COQ9: variants seen among roughly 807,000 people sequenced by gnomAD.
COQ9 encodes the protein ubiquinone biosynthesis protein COQ9, mitochondrial.
COQ9 carries 35 observed loss-of-function variants against 42.4 expected under a neutral mutation model. That is an observed-to-expected ratio of 0.83 (90% confidence interval 0.63 to 1.10). The LOEUF is 1.10. Ranked by LOEUF, COQ9 falls within the 50% of genes least tolerant of loss-of-function variation. The probability of loss-of-function intolerance (pLI) is 0.00; values close to 1 mark genes in which losing one functional copy is unlikely to be tolerated. For missense variants in COQ9, 406 were observed against 414.6 expected (o/e 0.98, Z 0.18); for synonymous variants, 155 against 155.1 (o/e 1.00, Z 0.00).
At chr16:57,447,646 G>A in intron 1 of COQ9, 68 bp downstream of exon 1, 1 of 1,194,252 alleles carries the variant, frequency 8.4e-7, no homozygotes, top group Non-Finnish European at 1.1e-6. Flanking sequence ...CTTCAGCTGG[G>A]TTCGACGGTG....
rs531277812 is a variant in COQ9 at position 57,453,853 on chromosome 16, A to G, written c.378+917A>G. On this transcript the variant is annotated intron_variant, in intron 3 of 8. Coordinates refer to ENST00000262507, the MANE Select transcript of COQ9 (RefSeq NM_020312.4). ...GATCTTTCCAATTAAAACCCTTTAT[A>G]TGATTCATTCTTTAAATGTTTATTG... 2.6e-5 allele frequency: 4 copies of G among 152,384 alleles called. No homozygotes were observed. The South Asian group carries it at 8.3e-4, about 32-fold the overall frequency. The allele number at this position is 152,384 out of a possible 1,614,324, so 9.4% of individuals were successfully genotyped here. A position where few individuals can be genotyped will look rare whatever the true frequency, so the allele number is the denominator to read the frequency against.
chr16:57,450,381 C>G (rs1409373894), intron 1 of COQ9, among the ~76,000 whole-genome samples: 1 of 142,972 alleles, frequency 7.0e-6, no homozygotes, highest in Non-Finnish European at 1.5e-5. Flanking sequence ...TCTCACTGCA[C>G]TCCAGCTTGG....
Position 57,451,067 on chromosome 16 carries a change from C to T in COQ9, c.101C>T (p.Pro34Leu), listed in dbSNP as rs775476569. 54 of 1,614,010 alleles carry T rather than the reference C, an allele frequency of 3.3e-5. No individual in the cohort carries two copies. The highest frequency in any genetic ancestry group is 3.9e-5 in the Non-Finnish European group (46 of 1,180,044). Reference sequence around the variant, plus strand: ...GCCCGTTGCCGACAAGCCCTGGTGCCGCGTGCCTTCCATGCTTCAGCTGTG... The same window carrying T: ...GCCCGTTGCCGACAAGCCCTGGTGCTGCGTGCCTTCCATGCTTCAGCTGTG... ...PVARCRQALVPRAFHASAVGL... is the reference protein window; with the variant it reads ...PVARCRQALVLRAFHASAVGL... The change falls in exon 2 of 9, where the codon CCG becomes CTG. Residue 34 changes from proline to leucine, a missense_variant. Pro to Leu is a moderately conservative substitution (Grantham distance 98, BLOSUM62 -3). Transcript: ENST00000262507.
intron 8 of COQ9, among the ~76,000 whole-genome samples, 194 bp from the exon 9 acceptor site, chr16:57,460,395 T>C (rs2030508011): frequency 6.6e-6 from 1 of 151,860 alleles, no homozygotes; most frequent in Non-Finnish European, 1.5e-5. Flanking sequence ...CAGTGGCTCA[T>C]GCATATCATC....
In COQ9 at chr16:57,459,610, A is replaced by G. The variant is rs2030484269; in HGVS notation, c.757A>G (p.Thr253Ala). Residue 253 changes from threonine (T) to alanine (A), a missense_variant, in exon 7 of 9, where the codon ACA (threonine) becomes GCA (alanine). Physicochemically the swap from Thr to Ala is moderately conservative, Grantham distance 58. Transcript: ENST00000262507. The stretch of plus-strand genomic sequence containing the variant: ...AGCCATGCTGGCTGCCATCTACAAC[A>G]CAACAGAGCTGGTGATGATGCAGGA... ...RRAMLAAIYN[T>A]TELVMMQDSS... 6.2e-7 allele frequency: 1 copy of G among 1,614,176 alleles called. No individual in the cohort carries two copies. The highest frequency in any genetic ancestry group is 2.2e-5 in the East Asian group (1 of 44,884).
chr16:57,458,317 CAT>C lies in COQ9; in HGVS notation c.679_680del (p.Met227ValfsTer10), dbSNP rs751556970. 1.1e-5 allele frequency: 18 copies of C among 1,613,150 alleles called. No individual in the cohort carries two copies. The highest frequency in any genetic ancestry group is 5.5e-5 in the South Asian group (5 of 90,746). On this transcript the variant is annotated frameshift_variant, in exon 6 of 9. Transcript: ENST00000262507. LOFTEE classifies it high-confidence loss of function. ...LSLLTSMVDD[M>X]WHYAGDQSTD... is the part of the protein sequence containing the mutation. ...GCCTGCTCACCAGCATGGTGGATGA[CAT>C]GTGGCATTACGCTGGGGACCAGTCC...
In COQ9 at chr16:57,458,275, C is replaced by A. The variant is rs1191807441; in HGVS notation, c.636C>A (p.Asn212Lys). 6.2e-7 allele frequency: 1 copy of A among 1,612,314 alleles called. No individual in the cohort carries two copies. Among genetic ancestry groups the A allele is most frequent in the South Asian group, 1.1e-5 (1 of 90,510 alleles). Residue 212 changes from asparagine to lysine, a missense_variant, in exon 6 of 9, where the codon AAC (asparagine) becomes AAA (lysine). Coordinates refer to ENST00000262507, the MANE Select transcript of COQ9 (RefSeq NM_020312.4). ...RALSILMLPH[N>K]IPSSLSLLTS... ...TCAGCATCCTCATGCTCCCTCACAACATCCCGTCCAGCCTGAGCCTGCTCA... is the reference window on the plus strand; with the variant it reads ...TCAGCATCCTCATGCTCCCTCACAAAATCCCGTCCAGCCTGAGCCTGCTCA...
At position 57,456,609 on chromosome 16, in the gene COQ9, G is replaced by C; in HGVS notation, c.484G>C (p.Glu162Gln). Residue 162 changes from glutamate to glutamine, a missense_variant, in exon 4 of 9, where the codon GAA becomes CAA. Coordinates refer to ENST00000262507, the MANE Select transcript of COQ9 (RefSeq NM_020312.4). ...CAATACCCGGCTCACACGTGTGCTA[G>C]AAGAGGAGCAGAAGCTGGTACAGTT... is the stretch of plus-strand genomic sequence containing the variant. ...QCNTRLTRVL[E>Q]EEQKLVQLGQ... is the part of the protein sequence containing the mutation. 6.2e-7 allele frequency: 1 copy of C among 1,614,150 alleles called. No individual in the cohort carries two copies. Among genetic ancestry groups the C allele is most frequent in the Middle Eastern group, 1.7e-4 (1 of 6,008 alleles).
At position 57,461,215 on chromosome 16, in the gene COQ9, C is replaced by T. The variant is rs1316998093; in HGVS notation, c.*591C>T. The T allele has an allele frequency of 8.8e-6, 4 of 452,112 alleles. No individual in the cohort carries two copies. Among genetic ancestry groups the T allele is most frequent in the South Asian group, 6.2e-5 (4 of 64,222 alleles). 28.0% of individuals were successfully genotyped at this position (452,112 alleles called of 1,614,324 possible). On this transcript the variant is annotated 3_prime_UTR_variant, in exon 9 of 9. Coordinates refer to ENST00000262507, the MANE Select transcript of COQ9 (RefSeq NM_020312.4). ...TGTCACATGACACCAGCATGCATTG[C>T]AGGATTATTAGTGTATTTTGAGTCT...
chr16:57,450,493 C>T (rs1361810588), intron 1 of COQ9, among the ~76,000 whole-genome samples: 1 of 147,848 alleles, frequency 6.8e-6, no homozygotes, highest in African/African-American at 2.5e-5. Context: ...GCTTAGGAAA[C>T]ATACTTCTCA....
At chr16:57,451,256 G>C (rs2030282406) in intron 2 of COQ9, 48 bp downstream of exon 2, 1 of 1,570,984 alleles carries the variant, frequency 6.4e-7, no homozygotes, top group African/African-American at 1.4e-5. Flanking sequence ...GCTTCATTAT[G>C]TCTGTTCCTC....
Position 57,448,675 on chromosome 16 carries a change from A to G in COQ9, c.73+1097A>G, listed in dbSNP as rs2030201261. Among the ~76,000 whole-genome samples, 3 of 152,056 alleles carry G rather than the reference A, an allele frequency of 2.0e-5. No homozygotes were observed. The South Asian group carries it at 6.2e-4, about 32-fold the overall frequency. On this transcript the variant is annotated intron_variant, in intron 1 of 8. Transcript: ENST00000262507. ...TTATCTGCCTGCCTCAGCCTCCCAA[A>G]GTGTTGGGATTACAGGTATGAGCCA...
chr16:57,460,484 A>C, intron 8 of COQ9, 105 bp from the exon 9 acceptor site: 1 of 1,209,728 alleles, frequency 8.3e-7, no homozygotes, highest in Non-Finnish European at 1.2e-6. Flanking sequence ...GTCTCTATGC[A>C]AAAAAGAAAA....
At chr16:57,460,162 C>T (rs2030502344) in intron 8 of COQ9, 58 bp downstream of exon 8, 5 of 1,521,434 alleles carry the variant, frequency 3.3e-6, no homozygotes, top group Middle Eastern at 1.7e-4. Flanking sequence ...CTCTGTGATA[C>T]ATGTGTTACT....
intron 6 of COQ9, among the ~76,000 whole-genome samples, chr16:57,459,076 T>C (rs963574552): frequency 2.6e-5 from 4 of 152,182 alleles, no homozygotes; most frequent in African/African-American, 9.7e-5. Context: ...AAGAGTAGTT[T>C]GCTAGAACAA....
chr16:57,458,158 C>A, intron 5 of COQ9, 88 bp from the exon 6 acceptor site: 1 of 987,132 alleles, frequency 1.0e-6, no homozygotes, highest in Non-Finnish European at 1.6e-6. Context: ...GGCAGGCCCC[C>A]TCATACACCT....
rs567112416 is a variant in COQ9, at chr16:57,452,876, A to G, written c.318A>G (p.Ala106=). ...EEQLQHRILT[A]ALEFVPAHGW... ...AGTTGCAGCACCGCATCCTGACGGC[A>G]GCCCTTGAGTTTGTGCCCGCCCACG... Residue 106 remains alanine, a synonymous_variant, in exon 3 of 9, where the codon GCA becomes GCG. Coordinates refer to ENST00000262507, the MANE Select transcript of COQ9 (RefSeq NM_020312.4). 16 of 1,613,880 alleles carry G rather than the reference A, an allele frequency of 9.9e-6. No homozygotes were observed. The South Asian group carries it at 1.3e-4, about 13-fold the overall frequency.
At chr16:57,456,479 C>T (rs2146590729) in intron 3 of COQ9, 25 bp from the exon 4 acceptor site, 1 of 1,614,022 alleles carries the variant, frequency 6.2e-7, no homozygotes, top group Non-Finnish European at 8.5e-7. Flanking sequence ...CACCGCTTTT[C>T]TGTTTTCTGT....
At chr16:57,451,990 G>GC (rs796366223) in intron 2 of COQ9, among the ~76,000 whole-genome samples, 3 of 151,026 alleles carry the variant, frequency 2.0e-5, no homozygotes, top group Non-Finnish European at 4.4e-5. Context: ...TTCCATTAGT[G>GC]TTTTTTTTTC....
Sources: gnomAD v4.1 joint callset for allele counts (sites outside exome capture counted in the v4.1 genomes callset) on GRCh38, gnomAD v4.1.1 for gene constraint, MANE v1.5 for transcripts, NCBI Gene and HGNC (gene_info 2026-07-23, HGNC 2026-07-21) for gene names.